The following ANKRD18A variants were observed in gnomAD, a reference collection of about 807,000 sequenced individuals.
ANKRD18A encodes the protein ankyrin repeat domain 18A, also known as ankyrin repeat domain-containing protein 18A.
Under a neutral mutation model 110.6 loss-of-function variants are expected in ANKRD18A, and 72 were observed. The observed-to-expected ratio is 0.65, with a 90% CI of 0.54 to 0.79. ANKRD18A has a LOEUF of 0.79. Among genes scored for constraint, ANKRD18A ranks in the 30% least tolerant of loss-of-function variants. The pLI is 0.00. For missense variants in ANKRD18A, 934 were observed against 1,163.3 expected (o/e 0.80, Z 2.87); for synonymous variants, 305 against 410.3 (o/e 0.74, Z 3.10).
At chr9:38,607,593 G>A (rs1825418573) in intron 5 of ANKRD18A, 100 bp from the exon 6 acceptor site, 1 of 809,316 alleles carries the variant, frequency 1.2e-6, no homozygotes, top group Admixed American at 4.3e-5. Flanking sequence ...CAATATCAGA[G>A]CTAATATCAG....
chr9:38,593,346 A>G (rs2118765623), intron 10 of ANKRD18A, among the ~76,000 whole-genome samples: 1 of 152,338 alleles, frequency 6.6e-6, no homozygotes, highest in South Asian at 2.1e-4. Context: ...CCATGAAATG[A>G]ATACGCACAG....
intron 3 of ANKRD18A, among the ~76,000 whole-genome samples, chr9:38,614,559 T>G (rs1048729605): frequency 6.6e-6 from 1 of 152,188 alleles, no homozygotes; most frequent in African/African-American, 2.4e-5. Flanking sequence ...CCCCAGGTCA[T>G]TGTAATGCAC....
chr9:38,568,964 C>T, downstream of ANKRD18A: 1 of 985,414 alleles, frequency 1.0e-6, no homozygotes, highest in Non-Finnish European at 1.2e-6. Context: ...TCACCCTTCC[C>T]TCCAGGGACA....
intron 3 of ANKRD18A, among the ~76,000 whole-genome samples, chr9:38,614,515 G>A (rs188351218): frequency 0.019 from 2,939 of 152,148 alleles, 64 homozygotes; most frequent in African/African-American, 0.054. Context: ...ATCCTCAGGG[G>A]AAAGCCTACA....
rs2118607253 is a variant in ANKRD18A, at chr9:38,571,861, TA to T, written c.*183del. 3.1e-6 allele frequency: 4 copies of T among 1,295,966 alleles called. No individual in the cohort carries two copies. The South Asian group carries it at 8.5e-5, about 27-fold the overall frequency. 80.3% of individuals were successfully genotyped at this position (1,295,966 alleles called of 1,614,324 possible). A position where few individuals can be genotyped will look rare whatever the true frequency, so the allele number is the denominator to read the frequency against. The stretch of plus-strand genomic sequence containing the variant: ...TATGTGACATGAAAATATTCTACTT[TA>T]GTAAAGATTATGATGTTTTATATTA... On this transcript the variant is annotated 3_prime_UTR_variant, in exon 16 of 16. Transcript: ENST00000399703.
At chr9:38,586,411 A>C in intron 11 of ANKRD18A, 99 bp from the exon 12 acceptor site, 1 of 1,090,224 alleles carries the variant, frequency 9.2e-7, no homozygotes. Context: ...AAAGAAACAA[A>C]TCTATAAACT....
rs781235896 is a variant in ANKRD18A, at chr9:38,595,750, A to G, written c.1590T>C (p.Ala530=). ...GCTTTCCAATGGATTGACTTTCTTT[A>G]GCTTCTCCATTTGGATGCATCTGCT... The part of the protein sequence containing the change: ...EMKQMHPNGE[A]KESQSIGKQN... The change falls in exon 9 of 16, where the codon GCT becomes GCC. Residue 530 remains alanine, a synonymous_variant. Coordinates refer to ENST00000399703, the MANE Select transcript of ANKRD18A (RefSeq NM_147195.4). The G allele has an allele frequency of 2.8e-5, 43 of 1,551,404 alleles. No individual in the cohort carries two copies. The highest frequency in any genetic ancestry group is 3.5e-5 in the Non-Finnish European group (40 of 1,146,712).
rs527258174 is a variant in ANKRD18A at position 38,586,392 on chromosome 9, T to C, written c.2118-80A>G. On this transcript the variant is annotated intron_variant, in intron 11 of 15. Transcript: ENST00000399703. Reference sequence around the variant, plus strand: ...AATTGTTTAAACAGATATTATGTTATGGCATATCAAAGAAACAAATCTATA... The same window carrying C: ...AATTGTTTAAACAGATATTATGTTACGGCATATCAAAGAAACAAATCTATA... The C allele has an allele frequency of 1.7e-4, 216 of 1,279,024 alleles. 1 individual carries two copies. In the African/African-American group the frequency reaches 2.9e-3, roughly 17 times the overall value. The allele number at this position is 1,279,024 out of a possible 1,614,324, so 79.2% of individuals were successfully genotyped here. A position where few individuals can be genotyped will look rare whatever the true frequency, so the allele number is the denominator to read the frequency against.
chr9:38,574,868 G>A (rs1485311596), intron 15 of ANKRD18A, among the ~76,000 whole-genome samples: 1 of 151,996 alleles, frequency 6.6e-6, no homozygotes, highest in Non-Finnish European at 1.5e-5. Flanking sequence ...GGCTGAGGTG[G>A]GTGGATAACA....
chr9:38,588,048 A>T (rs552721543), intron 11 of ANKRD18A, among the ~76,000 whole-genome samples: 7 of 152,334 alleles, frequency 4.6e-5, no homozygotes, highest in African/African-American at 1.4e-4. Context: ...AGATCGCGTC[A>T]TTGCACTCCA....
rs1212082338 is a variant in ANKRD18A, at chr9:38,596,007, C to G, written c.1333G>C (p.Val445Leu). 6.5e-7 allele frequency: 1 copy of G among 1,550,006 alleles called. No individual in the cohort carries two copies. Among genetic ancestry groups the G allele is most frequent in the East Asian group, 2.4e-5 (1 of 40,906 alleles). ...EIVERKDLEL[V>L]LWRADDVSRH... ...GAAACATCATCTGCTCTCCATAAAA[C>G]TAGTTCTAGGTCTTTTCTTTCCACA... Residue 445 changes from valine (V) to leucine (L), a missense_variant, in exon 9 of 16, where the codon GTT becomes CTT. This residue lies in a region of ANKRD18A where 630 missense variants were observed against 797.5 expected (regional missense o/e 0.79). Coordinates refer to ENST00000399703, the MANE Select transcript of ANKRD18A (RefSeq NM_147195.4).
intron 4 of ANKRD18A, among the ~76,000 whole-genome samples, chr9:38,610,856 C>CGA (rs1825588019): frequency 9.6e-6 from 1 of 104,396 alleles, no homozygotes; most frequent in Non-Finnish European, 1.9e-5. Flanking sequence ...ACAGCAACAA[C>CGA]TATAATAATA....
At chr9:38,602,652 T>G (rs1317038913) in intron 7 of ANKRD18A, among the ~76,000 whole-genome samples, 3 of 152,192 alleles carry the variant, frequency 2.0e-5, no homozygotes, top group Non-Finnish European at 2.9e-5. Flanking sequence ...ACATTTTATT[T>G]TATTGTATCT....
intron 10 of ANKRD18A, among the ~76,000 whole-genome samples, chr9:38,590,545 C>T (rs1439829687): frequency 6.6e-6 from 1 of 152,186 alleles, no homozygotes; most frequent in Non-Finnish European, 1.5e-5. Context: ...AGCCACGGCA[C>T]CCAGCCCTTT....
chr9:38,588,111 A>T (rs1824462501), intron 11 of ANKRD18A, among the ~76,000 whole-genome samples: 1 of 152,130 alleles, frequency 6.6e-6, no homozygotes, highest in African/African-American at 2.4e-5. Context: ...ATAAATAAAT[A>T]AAAATAGGCG....
chr9:38,591,409 T>C (rs949583850), intron 10 of ANKRD18A, among the ~76,000 whole-genome samples: 13 of 152,184 alleles, frequency 8.5e-5, no homozygotes, highest in Non-Finnish European at 1.5e-4. Flanking sequence ...ATCTATGAAA[T>C]GGAGAGAATA....
intron 10 of ANKRD18A, among the ~76,000 whole-genome samples, chr9:38,590,175 TTCTC>T (rs369689501): frequency 6.0e-4 from 90 of 149,148 alleles, no homozygotes; most frequent in South Asian, 1.7e-3. Context: ...TTTTCCTTCT[TTCTC>T]TCTTTCTTTC....
chr9:38,599,684 G>GT, intron 8 of ANKRD18A, among the ~76,000 whole-genome samples: 1 of 151,886 alleles, frequency 6.6e-6, no homozygotes, highest in Admixed American at 6.6e-5. Context: ...GGCTGGTCTC[G>GT]AACTCCTGAC....
chr9:38,584,577 C>T (rs1054771856), intron 12 of ANKRD18A, among the ~76,000 whole-genome samples: 3 of 152,138 alleles, frequency 2.0e-5, no homozygotes, highest in African/African-American at 7.2e-5. Flanking sequence ...AAACCTGTTA[C>T]ACCCCAAAAT....
Sources: allele counts gnomAD v4.1 joint callset (sites outside exome capture counted in the v4.1 genomes callset), GRCh38; gene constraint gnomAD v4.1.1; regional missense constraint gnomAD v4.1.1; transcripts MANE v1.5; gene names NCBI Gene and HGNC (gene_info 2026-07-23, HGNC 2026-07-21).